Variants in AP1G1 observed in about 807,000 individuals in gnomAD.
AP1G1 encodes the protein adaptor related protein complex 1 subunit gamma 1.
A neutral mutation model predicts 108.3 loss-of-function variants in AP1G1; 7 were observed. That is an observed-to-expected ratio of 0.06 (90% CI 0.04 to 0.12). The LOEUF (loss-of-function observed/expected upper bound fraction) is 0.12, where lower values mean the gene tolerates loss of function less well. Ranked by LOEUF, AP1G1 falls within the 10% of genes least tolerant of loss-of-function variation. The pLI, the probability that AP1G1 is intolerant of heterozygous loss-of-function variation, is 1.00. For synonymous variants in AP1G1, 379 were observed against 353.5 expected, an observed-to-expected ratio of 1.07 and a Z score of -0.81; for missense variants, 756 against 1,010.7, an observed-to-expected ratio of 0.75 and a Z score of 3.42.
At chr16:71,774,412 T>C (rs2031697165) in intron 3 of AP1G1, 56 bp downstream of exon 3, 3 of 1,564,906 alleles carry the variant, frequency 1.9e-6, no homozygotes, top group Non-Finnish European at 1.7e-6. Context: ...TCAAAGAAAA[T>C]ACAAAAAAGA....
chr16:71,738,864 T>G, intron 21 of AP1G1, 78 bp downstream of exon 21: 3 of 1,299,256 alleles, frequency 2.3e-6, no homozygotes, highest in Non-Finnish European at 3.2e-6. Flanking sequence ...TTAAAACATA[T>G]CCTTTACCAA....
rs530945851 is a variant in AP1G1 at position 71,731,502 on chromosome 16, T to C, written c.*1556A>G. The C allele has an allele frequency of 3.3e-5, 5 of 152,656 alleles. No homozygotes were observed. Among genetic ancestry groups the C allele is most frequent in the South Asian group, 2.1e-4 (1 of 4,824 alleles). The allele number at this position is 152,656 out of a possible 1,614,324, so 9.5% of individuals were successfully genotyped here. On this transcript the variant is annotated 3_prime_UTR_variant, in exon 23 of 23. Transcript: ENST00000299980. Reference sequence around the variant, plus strand: ...TATACTGTATTCAATACAGTAACAATTGCAAACATTGTAAGAGCAAGGTGG... The same window carrying C: ...TATACTGTATTCAATACAGTAACAACTGCAAACATTGTAAGAGCAAGGTGG...
At chr16:71,760,058 G>A (rs1008179865) in intron 10 of AP1G1, among the ~76,000 whole-genome samples, 17 of 152,014 alleles carry the variant, frequency 1.1e-4, no homozygotes, top group African/African-American at 4.1e-4. Flanking sequence ...TAATAGAGAT[G>A]GGGTCCCCCA....
At chr16:71,804,281 C>T (rs1043208265) in intron 1 of AP1G1, among the ~76,000 whole-genome samples, 2 of 151,904 alleles carry the variant, frequency 1.3e-5, no homozygotes, top group Non-Finnish European at 2.9e-5. Context: ...CTCCTGACCT[C>T]GTGATCCACC....
In AP1G1 at chr16:71,732,305, C is replaced by G. The variant is rs1056385159; in HGVS notation, c.*753G>C. ...TGGCGAGAAAGGGGAGCTGGAAGAG[C>G]CTTGGAAGTTTCTATTACAAATAGA... On this transcript the variant is annotated 3_prime_UTR_variant, in exon 23 of 23. Transcript: ENST00000299980. The G allele has an allele frequency of 6.6e-6, 1 of 152,570 alleles. No homozygotes were observed. Among genetic ancestry groups the G allele is most frequent in the Non-Finnish European group, 1.5e-5 (1 of 68,042 alleles). 9.5% of individuals were successfully genotyped at this position (152,570 alleles called of 1,614,324 possible). A position where few individuals can be genotyped will look rare whatever the true frequency, so the allele number is the denominator to read the frequency against.
chr16:71,775,704 A>C (rs1282403922), intron 2 of AP1G1, among the ~76,000 whole-genome samples: 1 of 152,244 alleles, frequency 6.6e-6, no homozygotes, highest in East Asian at 1.9e-4. Flanking sequence ...TATAATGTGG[A>C]AAGTATGTGA....
At chr16:71,767,879 T>C in intron 6 of AP1G1, 1 of 1,599,326 alleles carries the variant, frequency 6.3e-7, no homozygotes, top group Non-Finnish European at 8.5e-7. Context: ...ATTCTTACCT[T>C]TTCATTCTAA....
At chr16:71,801,498 G>T (rs935144928) in intron 1 of AP1G1, among the ~76,000 whole-genome samples, 1 of 152,160 alleles carries the variant, frequency 6.6e-6, no homozygotes, top group Non-Finnish European at 1.5e-5. Context: ...AAAATTTGGG[G>T]TTAAAATTAA....
chr16:71,787,315 T>A (rs1303023772), intron 2 of AP1G1, among the ~76,000 whole-genome samples: 1 of 52,458 alleles, frequency 1.9e-5, no homozygotes, highest in Non-Finnish European at 3.2e-5. Flanking sequence ...CGAGACTCTG[T>A]CTCAAAAAAA....
At chr16:71,784,875 T>C (rs373463235) in intron 2 of AP1G1, among the ~76,000 whole-genome samples, 1 of 151,100 alleles carries the variant, frequency 6.6e-6, no homozygotes, top group Admixed American at 6.6e-5. Context: ...TTAAGTTTTA[T>C]TGCAAAACTT....
chr16:71,789,225 T>C (rs142243851), intron 2 of AP1G1, 54 bp downstream of exon 2: 15 of 1,507,966 alleles, frequency 9.9e-6, no homozygotes, highest in Non-Finnish European at 1.4e-5. Context: ...GGACAATCCC[T>C]GAGCAACAAT....
At chr16:71,748,172 T>A in intron 16 of AP1G1, 79 bp downstream of exon 16, 1 of 1,491,744 alleles carries the variant, frequency 6.7e-7, no homozygotes, top group South Asian at 1.3e-5. Flanking sequence ...AAATTTTCCA[T>A]GATAACAAGT....
chr16:71,749,818 A>T, intron 15 of AP1G1, 76 bp downstream of exon 15: 2 of 1,249,606 alleles, frequency 1.6e-6, no homozygotes, highest in East Asian at 2.3e-5. Flanking sequence ...ATCAACCTCA[A>T]CTCCCCATTA....
At chr16:71,773,072 A>T in intron 4 of AP1G1, 149 bp downstream of exon 4, 1 of 851,756 alleles carries the variant, frequency 1.2e-6, no homozygotes, top group Non-Finnish European at 1.9e-6. Context: ...AAGAGGAATT[A>T]AGGTTAATAT....
chr16:71,788,260 C>G (rs747611215), intron 2 of AP1G1, among the ~76,000 whole-genome samples: 4 of 152,166 alleles, frequency 2.6e-5, no homozygotes, highest in Non-Finnish European at 5.9e-5. Flanking sequence ...GTTGGGCAGT[C>G]TGTTCCTTAG....
At chr16:71,801,853 C>T (rs542334668) in intron 1 of AP1G1, among the ~76,000 whole-genome samples, 1 of 146,360 alleles carries the variant, frequency 6.8e-6, no homozygotes, top group East Asian at 2.0e-4. Context: ...ACCCGGGAGG[C>T]GGAGCTTGCA....
In AP1G1 at chr16:71,808,818, G is replaced by A. The variant is rs898164784; in HGVS notation, c.-59C>T. On this transcript the variant is annotated 5_prime_UTR_variant, in exon 1 of 23. Transcript: ENST00000299980. ...TCCGGGGGCGGCGGCAGCAGTGGCA[G>A]CAGGAACCGAACATCCAAAATGGCG... 9 of 1,289,602 alleles carry A rather than the reference G, an allele frequency of 7.0e-6. No homozygotes were observed. In the Admixed American group the frequency reaches 9.2e-5, roughly 13 times the overall value. The allele number at this position is 1,289,602 out of a possible 1,614,324, so 79.9% of individuals were successfully genotyped here.
Position 71,786,523 on chromosome 16 carries a change from C to T in AP1G1, c.201+2756G>A, listed in dbSNP as rs140156464. 7.2e-5 allele frequency among the ~76,000 whole-genome samples: 11 copies of T among 152,126 alleles called. No individual in the cohort carries two copies. The South Asian group carries it at 1.7e-3, about 23-fold the overall frequency. On this transcript the variant is annotated intron_variant, in intron 2 of 22. Transcript: ENST00000299980. ...GTTGCCAGGCTGGAGTACAGTGGCA[C>T]GATCTCAGCTCACTGCAACCTGTAC...
chr16:71,736,735 G>A (rs894587465), intron 21 of AP1G1, among the ~76,000 whole-genome samples: 9 of 146,168 alleles, frequency 6.2e-5, no homozygotes, highest in East Asian at 2.0e-4. Flanking sequence ...ACAGGCGCCC[G>A]CCACCACGCC....
Sources: gnomAD v4.1 joint callset for allele counts (sites outside exome capture counted in the v4.1 genomes callset) on GRCh38, gnomAD v4.1.1 for gene constraint, MANE v1.5 for transcripts, NCBI Gene and HGNC (gene_info 2026-07-23, HGNC 2026-07-21) for gene names.